The following CASP1 variants were observed in gnomAD, a reference collection of about 807,000 sequenced individuals.
The protein encoded by CASP1 is caspase-1.
In CASP1, 31 loss-of-function variants were observed where a neutral mutation model predicts 41.2. The ratio of observed to expected loss-of-function variants is 0.75; its 90% CI spans 0.57 to 1.02. The LOEUF is 1.02. Ranked by LOEUF, CASP1 falls within the 50% of genes least tolerant of loss-of-function variation. The probability of loss-of-function intolerance (pLI) is 0.00; values close to 1 mark genes in which losing one functional copy is unlikely to be tolerated. For missense variants in CASP1, 490 were observed against 495.7 expected, an observed-to-expected ratio of 0.99 and a Z score of 0.11; for synonymous variants, 163 against 166.5, an observed-to-expected ratio of 0.98 and a Z score of 0.16.
intron 7 of CASP1, chr11:105,027,157 T>C (rs1863358179): frequency 1.6e-6 from 1 of 624,928 alleles, no homozygotes; most frequent in Non-Finnish European, 2.8e-6. Flanking sequence ...TATTACTGAC[T>C]GTGATTTAAG....
rs200065689 is a variant in CASP1 at position 105,030,130 on chromosome 11, TC to T, written c.627+199del. Among the ~76,000 whole-genome samples, 372 of 152,202 alleles carry T rather than the reference TC, an allele frequency of 2.4e-3. 1 individual carries two copies. Among genetic ancestry groups the T allele is most frequent in the African/African-American group, 8.5e-3 (355 of 41,546 alleles). On this transcript the variant is annotated intron_variant, in intron 5 of 8. Transcript: ENST00000533400. Reference sequence around the variant, plus strand: ...GGCATTACTGAGTCAATAAAACATTTCCCAATTCAGTTATACCAGGCTTGTG... The same window carrying T: ...GGCATTACTGAGTCAATAAAACATTTCCAATTCAGTTATACCAGGCTTGTG...
chr11:105,033,486 C>T (rs546323789), intron 2 of CASP1, among the ~76,000 whole-genome samples: 3 of 152,260 alleles, frequency 2.0e-5, no homozygotes, highest in Admixed American at 1.3e-4. Flanking sequence ...GGGAATCCAC[C>T]AGAACTCTCA....
At position 105,030,476 on chromosome 11, in the gene CASP1, G is replaced by A. The variant is rs377331184; in HGVS notation, c.481C>T (p.Arg161Cys). 21 of 1,612,744 alleles carry A rather than the reference G, an allele frequency of 1.3e-5. No homozygotes were observed. Among genetic ancestry groups the A allele is most frequent in the Middle Eastern group, 1.6e-4 (1 of 6,068 alleles). ...EIYPIMDKSS[R>C]TRLALIICNE... is the part of the protein sequence containing the mutation. ...CAGATAATGAGAGCAAGACGTGTGCGGCTTGACTTGTCCATTATTGGATAA... is the reference window on the plus strand; with the variant it reads ...CAGATAATGAGAGCAAGACGTGTGCAGCTTGACTTGTCCATTATTGGATAA... Residue 161 changes from arginine to cysteine, a missense_variant, in exon 5 of 9, where the codon CGC (arginine) becomes TGC (cysteine). Arg to Cys is a radical substitution (Grantham distance 180, BLOSUM62 -3). Transcript: ENST00000533400.
intron 2 of CASP1, among the ~76,000 whole-genome samples, chr11:105,033,395 C>T (rs945024989): frequency 6.6e-6 from 1 of 152,198 alleles, no homozygotes; most frequent in African/African-American, 2.4e-5. Context: ...CTTTCCCTAA[C>T]CCTTAGAACA....
At chr11:105,032,924 C>A (rs908388809) in intron 3 of CASP1, 140 bp downstream of exon 3, 1 of 617,876 alleles carries the variant, frequency 1.6e-6, no homozygotes, top group Non-Finnish European at 2.8e-6. Context: ...TCTACAAAAG[C>A]AGAATAGATT....
chr11:105,027,276 G>A, intron 7 of CASP1: 1 of 541,120 alleles, frequency 1.8e-6, no homozygotes, highest in Non-Finnish European at 3.3e-6. Flanking sequence ...AGATAACCCA[G>A]GATATGCAAT....
chr11:105,030,899 C>T, intron 4 of CASP1: 1 of 392,010 alleles, frequency 2.6e-6, no homozygotes, highest in Admixed American at 4.1e-5. Flanking sequence ...TTATCATGTG[C>T]AAAATGCTTA....
chr11:105,025,499 GA>G, downstream of CASP1: 1 of 411,672 alleles, frequency 2.4e-6, no homozygotes, highest in Non-Finnish European at 4.7e-6. Context: ...GGAGAAAAAT[GA>G]GGACAAGTTT....
Position 105,025,948 on chromosome 11 carries a change from G to A in CASP1, c.*310C>T, listed in dbSNP as rs1281925202. 3.9e-6 allele frequency: 1 copy of A among 256,092 alleles called. No homozygotes were observed. Among genetic ancestry groups the A allele is most frequent in the Non-Finnish European group, 7.5e-6 (1 of 132,476 alleles). 15.9% of individuals were successfully genotyped at this position (256,092 alleles called of 1,614,324 possible). ...CCCTTATCCAAAATGCATGCTACCAGAAGTATTTCAAATTTCAGATATTTT... is the reference window on the plus strand; with the variant it reads ...CCCTTATCCAAAATGCATGCTACCAAAAGTATTTCAAATTTCAGATATTTT... On this transcript the variant is annotated 3_prime_UTR_variant, in exon 9 of 9. Coordinates refer to ENST00000533400, the MANE Select transcript of CASP1 (RefSeq NM_001257118.3).
Position 105,030,418 on chromosome 11 carries a change from GT to G in CASP1, c.538del (p.Thr180LeufsTer10). On this transcript the variant is annotated frameshift_variant, in exon 5 of 9. Transcript: ENST00000533400. LOFTEE classifies it high-confidence loss of function. ...NEEFDSIPRR[T>X]GAEVDITGMT... ...GCCTGTGATGTCAACCTCAGCTCCA[GT>G]TCTTCTAGGAATACTGTCAAATTCT... The G allele has an allele frequency of 1.9e-6, 3 of 1,613,548 alleles. No homozygotes were observed. The highest frequency in any genetic ancestry group is 2.5e-6 in the Non-Finnish European group (3 of 1,179,620).
intron 7 of CASP1, 42 bp from the exon 8 acceptor site, chr11:105,026,993 C>A: frequency 2.7e-6 from 3 of 1,115,146 alleles, no homozygotes; most frequent in South Asian, 1.2e-5. Flanking sequence ...CTGGCTCTTG[C>A]CTGAAGAAAG....
chr11:105,033,545 G>C (rs1863826922), intron 2 of CASP1, among the ~76,000 whole-genome samples: 1 of 152,174 alleles, frequency 6.6e-6, no homozygotes, highest in Non-Finnish European at 1.5e-5. Flanking sequence ...GGCCAGCTCA[G>C]TTCCTGAGCC....
chr11:105,033,742 C>A (rs1227557570), intron 2 of CASP1, among the ~76,000 whole-genome samples: 1 of 152,154 alleles, frequency 6.6e-6, no homozygotes, highest in South Asian at 2.1e-4. Flanking sequence ...GTATCGCCAT[C>A]ATTGAAATAT....
chr11:105,031,799 C>A (rs1247800554), intron 3 of CASP1, among the ~76,000 whole-genome samples: 2 of 152,108 alleles, frequency 1.3e-5, no homozygotes, highest in Non-Finnish European at 2.9e-5. Flanking sequence ...CCTTCAGGAT[C>A]TCTTCCTTCT....
intron 7 of CASP1, among the ~76,000 whole-genome samples, chr11:105,028,556 G>A (rs1468465793): frequency 1.3e-5 from 2 of 151,952 alleles, no homozygotes; most frequent in Non-Finnish European, 2.9e-5. Context: ...AGCAATTCAA[G>A]GAAAGCCCGA....
chr11:105,035,633 T>TTTTTTTTTTTTTTTTTTGG, upstream of CASP1, among the ~76,000 whole-genome samples: 1 of 147,898 alleles, frequency 6.8e-6, no homozygotes, highest in South Asian at 2.2e-4. Context: ...TTTTTTTTTC[T>TTTTTTTTTTTTTTTTTTGG]GATACAGGGT....
rs148534697 is a variant in CASP1, at chr11:105,029,837, C to T, written c.690G>A (p.Thr230=). ...HRPEHKTSDS[T]FLVFMSHGIR... is the part of the protein sequence containing the mutation. ...TACCATGAGACATGAACACCAGGAACGTGCTGTCAGAGGTCTTGTGCTCTG... is the reference window on the plus strand; with the variant it reads ...TACCATGAGACATGAACACCAGGAATGTGCTGTCAGAGGTCTTGTGCTCTG... The change falls in exon 6 of 9, where the codon ACG becomes ACA. Residue 230 remains threonine, a synonymous_variant. Coordinates refer to ENST00000533400, the MANE Select transcript of CASP1 (RefSeq NM_001257118.3). The T allele has an allele frequency of 3.5e-5, 57 of 1,613,684 alleles. No homozygotes were observed. The African/African-American group carries it at 5.2e-4, about 15-fold the overall frequency.
In CASP1 at chr11:105,026,929, G is replaced by A; in HGVS notation, c.1029C>T (p.Pro343=). 2 of 1,595,258 alleles carry A rather than the reference G, an allele frequency of 1.3e-6. No individual in the cohort carries two copies. The highest frequency in any genetic ancestry group is 2.2e-5 in the South Asian group (2 of 90,684). ...TTCCAATAAAAACAGAGCCCATTGTGGGATGTCTCCAAGAAACATTATCTA... is the reference window on the plus strand; with the variant it reads ...TTCCAATAAAAACAGAGCCCATTGTAGGATGTCTCCAAGAAACATTATCTA... ...STPDNVSWRH[P]TMGSVFIGRL... Residue 343 remains proline (P), a synonymous_variant, in exon 8 of 9, where the codon CCC becomes CCT. Transcript: ENST00000533400.
In CASP1 at chr11:105,029,146, G is replaced by A. The variant is rs138314317; in HGVS notation, c.984C>T (p.Ile328=). Residue 328 remains isoleucine, a synonymous_variant, in exon 7 of 9, where the codon ATC becomes ATT. Coordinates refer to ENST00000533400, the MANE Select transcript of CASP1 (RefSeq NM_001257118.3). ...IKKAHIEKDF[I]AFCSSTPDNV... ...TACCTGGTGTGGAAGAGCAGAAAGCGATAAAATCCTTCTCTATGTGGGCTT... is the reference window on the plus strand; with the variant it reads ...TACCTGGTGTGGAAGAGCAGAAAGCAATAAAATCCTTCTCTATGTGGGCTT... 1,269 of 1,613,096 alleles carry A rather than the reference G, an allele frequency of 7.9e-4. 3 individuals are homozygous for A. Among genetic ancestry groups the A allele is most frequent in the African/African-American group, 1.1e-3 (84 of 74,972 alleles).
Sources: allele counts gnomAD v4.1 joint callset (sites outside exome capture counted in the v4.1 genomes callset), GRCh38; gene constraint gnomAD v4.1.1; transcripts MANE v1.5; gene names NCBI Gene and HGNC (gene_info 2026-07-23, HGNC 2026-07-21).